EPHB1: variants seen among roughly 807,000 people sequenced by gnomAD.
EPHB1 encodes the protein ephrin type-B receptor 1.
EPHB1 carries 30 observed loss-of-function variants against 94.4 expected under a neutral mutation model. The ratio of observed to expected loss-of-function variants is 0.32; its 90% CI spans 0.24 to 0.43. The LOEUF (loss-of-function observed/expected upper bound fraction) is 0.43. Ranked by LOEUF, EPHB1 falls within the 20% of genes least tolerant of loss-of-function variation. The probability of loss-of-function intolerance (pLI) is 1.00; values close to 1 mark genes in which losing one functional copy is unlikely to be tolerated. For synonymous variants in EPHB1, 522 were observed against 489.1 expected (o/e 1.07, Z -0.89); for missense variants, 1,055 against 1,308.3 (o/e 0.81, Z 2.99).
At chr3:135,120,628 T>C (rs572564507) in intron 4 of EPHB1, among the ~76,000 whole-genome samples, 1 of 152,352 alleles carries the variant, frequency 6.6e-6, no homozygotes, top group East Asian at 1.9e-4. Context: ...AAAGTATACT[T>C]ACCTTTTTCA....
Position 134,888,321 on chromosome 3 carries a change from G to A in EPHB1, c.59-37495G>A, listed in dbSNP as rs370873283. Among the ~76,000 whole-genome samples the A allele has an allele frequency of 1.3e-4, 20 of 152,318 alleles. No individual in the cohort carries two copies. In the South Asian group the frequency reaches 4.1e-3, roughly 32 times the overall value. ...CTCTTCTGTGAGCTCCAAGCCATGA[G>A]GGAGGGGGATTCCTGTAGGGCAGCT... On this transcript the variant is annotated intron_variant, in intron 1 of 15. Coordinates refer to ENST00000398015, the MANE Select transcript of EPHB1 (RefSeq NM_004441.5).
intron 9 of EPHB1, among the ~76,000 whole-genome samples, chr3:135,175,892 T>C (rs1329691471): frequency 6.6e-6 from 1 of 152,234 alleles, no homozygotes; most frequent in Non-Finnish European, 1.5e-5. Flanking sequence ...TTGTTCACTG[T>C]CTGATGATTC....
intron 3 of EPHB1, among the ~76,000 whole-genome samples, chr3:135,004,934 C>T (rs1170754666): frequency 8.5e-5 from 13 of 152,290 alleles, no homozygotes; most frequent in South Asian, 2.1e-4. Flanking sequence ...GTAATTTGAT[C>T]GTCTGAAGCC....
At chr3:135,011,931 T>A (rs1036703410) in intron 3 of EPHB1, among the ~76,000 whole-genome samples, 2 of 151,974 alleles carry the variant, frequency 1.3e-5, no homozygotes, top group Admixed American at 1.3e-4. Flanking sequence ...GAATAGGGTA[T>A]AGAAAAACTG....
intron 3 of EPHB1, among the ~76,000 whole-genome samples, chr3:135,036,644 ATCT>A (rs753533651): frequency 5.9e-5 from 9 of 152,142 alleles, no homozygotes; most frequent in African/African-American, 1.7e-4. Flanking sequence ...CCTGGCCTTC[ATCT>A]TCTTCTGAAC....
intron 3 of EPHB1, among the ~76,000 whole-genome samples, chr3:135,048,659 C>T (rs1937078985): frequency 6.6e-6 from 1 of 152,156 alleles, no homozygotes; most frequent in Non-Finnish European, 1.5e-5. Flanking sequence ...AAGTCATCAC[C>T]ACACCTGCCC....
chr3:134,849,177 C>T (rs1219571416), intron 1 of EPHB1, among the ~76,000 whole-genome samples: 3 of 152,234 alleles, frequency 2.0e-5, no homozygotes, highest in African/African-American at 7.2e-5. Flanking sequence ...CAGACTTCAG[C>T]ATCAGAATCA....
intron 12 of EPHB1, among the ~76,000 whole-genome samples, chr3:135,239,898 T>C (rs1448554940): frequency 6.6e-6 from 1 of 152,118 alleles, no homozygotes; most frequent in African/African-American, 2.4e-5. Context: ...ATAGTGAAAA[T>C]AATAGTTAAC....
intron 3 of EPHB1, among the ~76,000 whole-genome samples, chr3:135,037,020 ATTG>A (rs1208173769): frequency 6.6e-6 from 1 of 152,048 alleles, no homozygotes; most frequent in Non-Finnish European, 1.5e-5. Flanking sequence ...AGATAGATGG[ATTG>A]TTGTTCTTTA....
chr3:134,956,458 GC>G (rs1446979351), intron 3 of EPHB1, among the ~76,000 whole-genome samples: 1 of 152,124 alleles, frequency 6.6e-6, no homozygotes, highest in Non-Finnish European at 1.5e-5. Context: ...TCTTGCCTCT[GC>G]CCCTGCCCCA....
At chr3:135,120,374 T>C (rs1313378720) in intron 4 of EPHB1, among the ~76,000 whole-genome samples, 1 of 149,892 alleles carries the variant, frequency 6.7e-6, no homozygotes, top group African/African-American at 2.5e-5. Context: ...TTTTTTATTA[T>C]ATTTTCAAAC....
intron 1 of EPHB1, among the ~76,000 whole-genome samples, chr3:134,907,150 A>G (rs1291537938): frequency 1.3e-5 from 2 of 152,234 alleles, no homozygotes; most frequent in African/African-American, 4.8e-5. Context: ...CGTGGGAAAC[A>G]GGTATATTGC....
At chr3:134,924,986 G>C (rs36189) in intron 1 of EPHB1, among the ~76,000 whole-genome samples, 61,012 of 152,174 alleles carry the variant, frequency 0.4, 15,928 homozygotes, top group African/African-American at 0.74. Flanking sequence ...TGTTTATTAT[G>C]TTAATTTGTG....
intron 4 of EPHB1, among the ~76,000 whole-genome samples, chr3:135,117,919 G>A (rs1297848619): frequency 6.6e-6 from 1 of 152,158 alleles, no homozygotes; most frequent in Non-Finnish European, 1.5e-5. Flanking sequence ...GTCTCTTCTG[G>A]GGCAGAGGTG....
chr3:135,144,786 A>G (rs1940954440), intron 5 of EPHB1, among the ~76,000 whole-genome samples: 1 of 152,122 alleles, frequency 6.6e-6, no homozygotes, highest in Non-Finnish European at 1.5e-5. Flanking sequence ...TATCCCATTC[A>G]CATCTAAAAT....
At chr3:134,910,299 G>A (rs2038424997) in intron 1 of EPHB1, among the ~76,000 whole-genome samples, 1 of 152,128 alleles carries the variant, frequency 6.6e-6, no homozygotes, top group South Asian at 2.1e-4. Context: ...AGGGCAGGAG[G>A]GACTCTAAGG....
chr3:135,253,754 G>T (rs1177015443), intron 15 of EPHB1, among the ~76,000 whole-genome samples: 32 of 150,682 alleles, frequency 2.1e-4, no homozygotes, highest in East Asian at 1.6e-3. Flanking sequence ...GTGAAGAAAG[G>T]CATTGGTAGC....
intron 10 of EPHB1, among the ~76,000 whole-genome samples, chr3:135,186,876 C>T (rs1165794186): frequency 3.3e-5 from 5 of 152,050 alleles, no homozygotes; most frequent in Non-Finnish European, 5.9e-5. Flanking sequence ...GTTAAATTAC[C>T]CTCAGCTGAC....
intron 10 of EPHB1, among the ~76,000 whole-genome samples, chr3:135,181,192 C>G (rs1942143584): frequency 1.3e-5 from 2 of 152,192 alleles, no homozygotes; most frequent in Non-Finnish European, 1.5e-5. Context: ...TCTGGTTTCC[C>G]TCTTGAATAG....
Sources: allele counts gnomAD v4.1 joint callset (sites outside exome capture counted in the v4.1 genomes callset), GRCh38; gene constraint gnomAD v4.1.1; transcripts MANE v1.5; gene names NCBI Gene and HGNC (gene_info 2026-07-23, HGNC 2026-07-21).